The following TENM3 variants were observed in gnomAD, a reference collection of about 807,000 sequenced individuals.
The protein encoded by TENM3 is teneurin-3.
A neutral mutation model predicts 255.1 loss-of-function variants in TENM3; 63 were observed. That is an observed-to-expected ratio of 0.25 (90% CI 0.20 to 0.30). TENM3 has a LOEUF of 0.30. Ranked by LOEUF, TENM3 falls within the 10% of genes least tolerant of loss-of-function variation. The probability of loss-of-function intolerance (pLI) is 1.00; values close to 1 mark genes in which losing one functional copy is unlikely to be tolerated. For missense variants in TENM3, 2,929 were observed against 3,461.1 expected (o/e 0.85, Z 3.86); for synonymous variants, 1,306 against 1,322.3 (o/e 0.99, Z 0.27).
At chr4:181,681,106 G>T in the TENM3 span, among the ~76,000 whole-genome samples, 1 of 151,862 alleles carries the variant, frequency 6.6e-6, no homozygotes, top group Non-Finnish European at 1.5e-5. Context: ...TAAGGTAAGC[G>T]TATTTCTGTT....
the TENM3 span, among the ~76,000 whole-genome samples, chr4:181,501,526 C>T: frequency 1.3e-4 from 19 of 151,894 alleles, no homozygotes; most frequent in Admixed American, 2.6e-4. Context: ...TACAGGCACC[C>T]GCCACCACGT....
chr4:182,553,319 GA>G (rs1208257301), intron 3 of TENM3, among the ~76,000 whole-genome samples: 2 of 146,618 alleles, frequency 1.4e-5, no homozygotes, highest in Admixed American at 7.1e-5. Flanking sequence ...TCATAGGTGG[GA>G]ATTGAACAAT....
chr4:182,086,937 C>A, the TENM3 span, among the ~76,000 whole-genome samples: 2 of 152,090 alleles, frequency 1.3e-5, no homozygotes, highest in Non-Finnish European at 2.9e-5. Flanking sequence ...TACCTCTAGA[C>A]CTTGATTTTT....
chr4:182,369,658 A>C (rs1210968563), intron 3 of TENM3, among the ~76,000 whole-genome samples: 1 of 152,186 alleles, frequency 6.6e-6, no homozygotes, highest in Admixed American at 6.5e-5. Context: ...AGGCAGGCCG[A>C]TCACCTGAGG....
the TENM3 span, among the ~76,000 whole-genome samples, chr4:181,616,238 T>A: frequency 1.5e-5 from 2 of 133,340 alleles, no homozygotes; most frequent in African/African-American, 5.6e-5. Flanking sequence ...ATTTCTCAAA[T>A]CTGAGAAGGT....
intron 1 of TENM3, among the ~76,000 whole-genome samples, chr4:182,268,763 A>AG (rs1198038206): frequency 6.6e-6 from 1 of 152,206 alleles, no homozygotes; most frequent in African/African-American, 2.4e-5. Flanking sequence ...TGACAACATC[A>AG]GGAAGTTCTG....
chr4:181,961,242 G>A, the TENM3 span, among the ~76,000 whole-genome samples: 12 of 152,260 alleles, frequency 7.9e-5, no homozygotes, highest in African/African-American at 2.4e-5. Flanking sequence ...CAAGCACCAC[G>A]TAACTAAGCC....
chr4:182,738,525 C>T lies in TENM3; in HGVS notation c.3360C>T (p.His1120=), dbSNP rs755932177. 10 of 1,612,338 alleles carry T rather than the reference C, an allele frequency of 6.2e-6. No individual in the cohort carries two copies. The Admixed American group carries it at 1.0e-4, about 16-fold the overall frequency. Residue 1120 remains histidine, a synonymous_variant, in exon 18 of 28, where the codon CAC becomes CAT. Coordinates refer to ENST00000511685, the MANE Select transcript of TENM3 (RefSeq NM_001080477.4). ...GTGGCTGGACATTAGATAAACATCACGTGCTGGATGTACAGAACGGTAAGC... is the reference window on the plus strand; with the variant it reads ...GTGGCTGGACATTAGATAAACATCATGTGCTGGATGTACAGAACGGTAAGC... ...NMGGWTLDKH[H]VLDVQNGILY...
At chr4:182,520,486 G>A (rs1404992314) in intron 3 of TENM3, among the ~76,000 whole-genome samples, 1 of 152,122 alleles carries the variant, frequency 6.6e-6, no homozygotes, top group Non-Finnish European at 1.5e-5. Context: ...ATATATATTA[G>A]TAAGTTTTGA....
chr4:182,271,588 C>G (rs1759627749), intron 1 of TENM3, among the ~76,000 whole-genome samples: 1 of 152,112 alleles, frequency 6.6e-6, no homozygotes, highest in South Asian at 2.1e-4. Context: ...GAGAAAGAAA[C>G]AGTGGGGATT....
At chr4:182,201,560 A>G (rs1754187783) in intron 1 of TENM3, among the ~76,000 whole-genome samples, 1 of 151,734 alleles carries the variant, frequency 6.6e-6, no homozygotes, top group Non-Finnish European at 1.5e-5. Context: ...ACCTTGGGGC[A>G]GGAGTTGCGA....
intron 1 of TENM3, among the ~76,000 whole-genome samples, chr4:182,168,780 T>A (rs1294861903): frequency 6.6e-6 from 1 of 152,024 alleles, no homozygotes; most frequent in Non-Finnish European, 1.5e-5. Context: ...TTGAATTTTC[T>A]TCTCTAAGTG....
At chr4:181,486,008 A>C in the TENM3 span, among the ~76,000 whole-genome samples, 1 of 137,470 alleles carries the variant, frequency 7.3e-6, no homozygotes, top group Non-Finnish European at 1.6e-5. Context: ...GCCATTCAAA[A>C]ACTTGAGAGA....
intron 3 of TENM3, among the ~76,000 whole-genome samples, chr4:182,526,071 G>T (rs574029854): frequency 6.6e-6 from 1 of 152,008 alleles, no homozygotes; most frequent in African/African-American, 2.4e-5. Context: ...GCTCTGCCTC[G>T]CAGGTTCACG....
the TENM3 span, among the ~76,000 whole-genome samples, chr4:181,986,940 G>T: frequency 1.3e-5 from 2 of 152,078 alleles, no homozygotes; most frequent in South Asian, 2.1e-4. Flanking sequence ...CTGGAGCAAT[G>T]ATGGGAGAAT....
In TENM3 at chr4:182,621,664, T is replaced by C. The variant is rs1482919876; in HGVS notation, c.750-6987T>C. Among the ~76,000 whole-genome samples, 14 of 43,350 alleles carry C rather than the reference T, an allele frequency of 3.2e-4. No individual in the cohort carries two copies. In the East Asian group the frequency reaches 3.9e-3, roughly 12 times the overall value. The allele number at this position is 43,350 out of a possible 152,430, so 28.4% of individuals were successfully genotyped here. A position where few individuals can be genotyped will look rare whatever the true frequency, so the allele number is the denominator to read the frequency against. On this transcript the variant is annotated intron_variant, in intron 4 of 27. Transcript: ENST00000511685. ...ATAATACATATTATAATATATAATA[T>C]GTATTATATATATAAAATATATAAT...
rs200556442 is a variant in TENM3, at chr4:182,731,691, TG to T, written c.2967+556del. The stretch of plus-strand genomic sequence containing the variant: ...TATAGAATGAATATATAGTGGGTGT[TG>T]GGGTGTGTGTGTGTGTGTGTGTGTG... On this transcript the variant is annotated intron_variant, in intron 16 of 27. Transcript: ENST00000511685. 5.2e-4 allele frequency among the ~76,000 whole-genome samples: 40 copies of T among 76,762 alleles called. No homozygotes were observed. In the East Asian group the frequency reaches 8.4e-3, roughly 16 times the overall value. 50.4% of individuals were successfully genotyped at this position (76,762 alleles called of 152,430 possible).
the TENM3 span, among the ~76,000 whole-genome samples, chr4:181,716,765 T>C: frequency 6.6e-6 from 1 of 152,200 alleles, no homozygotes; most frequent in Non-Finnish European, 1.5e-5. Flanking sequence ...GCTTAACTTA[T>C]GTATGCAGAG....
chr4:182,731,165 T>A (rs1760669729), intron 16 of TENM3, 26 bp downstream of exon 16: 2 of 1,604,318 alleles, frequency 1.2e-6, no homozygotes, highest in East Asian at 2.2e-5. Context: ...AGGCAGTACT[T>A]GTAAATACAA....
Sources: allele counts gnomAD v4.1 joint callset (sites outside exome capture counted in the v4.1 genomes callset), GRCh38; gene constraint gnomAD v4.1.1; transcripts MANE v1.5; gene names NCBI Gene and HGNC (gene_info 2026-07-23, HGNC 2026-07-21).